LRRIQ3: variants seen among roughly 807,000 people sequenced by gnomAD.
The protein encoded by LRRIQ3 is leucine rich repeats and IQ motif containing 3, also known as leucine-rich repeat and IQ domain-containing protein 3.
LRRIQ3 carries 75 observed loss-of-function variants against 59.3 expected under a neutral mutation model. The ratio of observed to expected loss-of-function variants is 1.26; its 90% CI spans 1.05 to 1.53. The LOEUF (loss-of-function observed/expected upper bound fraction) is 1.53, where lower values mean the gene tolerates loss of function less well. Among genes scored for constraint, LRRIQ3 ranks in the 40% most tolerant of loss-of-function variants. LRRIQ3 has a pLI of 0.00. For missense variants in LRRIQ3, 831 were observed against 710.0 expected, an observed-to-expected ratio of 1.17 and a Z score of -1.94; for synonymous variants, 250 against 231.3, an observed-to-expected ratio of 1.08 and a Z score of -0.73.
intron 5 of LRRIQ3, among the ~76,000 whole-genome samples, chr1:74,107,853 A>T (rs1335800167): frequency 6.6e-6 from 1 of 151,602 alleles, no homozygotes; most frequent in Non-Finnish European, 1.5e-5. Flanking sequence ...TTTATCAACT[A>T]TGAAAGAATA....
chr1:74,149,608 A>T (rs1452083828), intron 4 of LRRIQ3, among the ~76,000 whole-genome samples: 2 of 151,876 alleles, frequency 1.3e-5, no homozygotes, highest in Non-Finnish European at 2.9e-5. Flanking sequence ...AAATATATTA[A>T]TTTTTTCATG....
chr1:74,186,894 C>T (rs1224835151), intron 1 of LRRIQ3, among the ~76,000 whole-genome samples: 1 of 151,948 alleles, frequency 6.6e-6, no homozygotes, highest in Admixed American at 6.6e-5. Context: ...AGTGTCTTTT[C>T]CTCCATTTTG....
intron 4 of LRRIQ3, among the ~76,000 whole-genome samples, chr1:74,131,734 T>C (rs1026837417): frequency 6.6e-6 from 1 of 152,068 alleles, no homozygotes; most frequent in Admixed American, 6.6e-5. Context: ...CTCAAAATAA[T>C]AAAGAGCTAT....
Position 74,198,137 on chromosome 1 carries a change from G to A in LRRIQ3, c.-142C>T. ...CAACATCCAAGTTCTCCACATCATG[G>A]TTTTCCGGGCGCCAGCCAAGGCGCT... On this transcript the variant is annotated 5_prime_UTR_variant, in exon 1 of 8. Coordinates refer to ENST00000354431, the MANE Select transcript of LRRIQ3 (RefSeq NM_001105659.2). 2 of 1,476,920 alleles carry A rather than the reference G, an allele frequency of 1.4e-6. No homozygotes were observed. Among genetic ancestry groups the A allele is most frequent in the Non-Finnish European group, 1.8e-6 (2 of 1,115,352 alleles). 91.5% of individuals were successfully genotyped at this position (1,476,920 alleles called of 1,614,324 possible). A position where few individuals can be genotyped will look rare whatever the true frequency, so the allele number is the denominator to read the frequency against.
intron 5 of LRRIQ3, among the ~76,000 whole-genome samples, chr1:74,087,381 C>CTTTTTT (rs57068994): frequency 1.0e-4 from 6 of 59,006 alleles, no homozygotes; most frequent in African/African-American, 2.9e-4. Context: ...AAAATTTTAT[C>CTTTTTT]TTTTTTTTTT....
intron 4 of LRRIQ3, among the ~76,000 whole-genome samples, chr1:74,121,608 G>C (rs951815195): frequency 1.3e-5 from 2 of 151,904 alleles, no homozygotes; most frequent in Non-Finnish European, 2.9e-5. Flanking sequence ...TATACTTTAA[G>C]TTTTAGGGTG....
chr1:74,177,436 T>C (rs1271319438), intron 3 of LRRIQ3, among the ~76,000 whole-genome samples: 1 of 152,112 alleles, frequency 6.6e-6, no homozygotes, highest in Non-Finnish European at 1.5e-5. Context: ...TCTTTATATA[T>C]ATATCTATCT....
At chr1:74,161,294 A>T (rs558746052) in intron 3 of LRRIQ3, among the ~76,000 whole-genome samples, 1 of 152,200 alleles carries the variant, frequency 6.6e-6, no homozygotes, top group South Asian at 2.1e-4. Flanking sequence ...ATTAGATTTT[A>T]GCATGTAAAT....
intron 6 of LRRIQ3, among the ~76,000 whole-genome samples, chr1:74,049,410 A>T (rs1381726929): frequency 6.6e-6 from 1 of 152,220 alleles, no homozygotes; most frequent in Non-Finnish European, 1.5e-5. Context: ...AGGCTACTCT[A>T]GTGGCCCAGG....
chr1:74,135,604 T>A (rs1647109551), intron 4 of LRRIQ3, among the ~76,000 whole-genome samples: 1 of 151,836 alleles, frequency 6.6e-6, no homozygotes, highest in Non-Finnish European at 1.5e-5. Flanking sequence ...ATTTTGGAAA[T>A]TCAAATATAT....
chr1:74,193,972 A>ATG (rs1650934124), intron 1 of LRRIQ3, among the ~76,000 whole-genome samples: 3 of 152,196 alleles, frequency 2.0e-5, no homozygotes, highest in Admixed American at 2.0e-4. Context: ...AATGTCTGCA[A>ATG]CATATTAAGT....
intron 5 of LRRIQ3, among the ~76,000 whole-genome samples, chr1:74,080,734 C>T (rs539778218): frequency 9.9e-5 from 15 of 151,728 alleles, no homozygotes; most frequent in African/African-American, 2.7e-4. Flanking sequence ...CAAAAAGAGT[C>T]GCCTTTATTT....
chr1:74,116,127 T>A (rs1007414788), intron 4 of LRRIQ3, among the ~76,000 whole-genome samples: 7 of 152,130 alleles, frequency 4.6e-5, no homozygotes, highest in Non-Finnish European at 1.0e-4. Context: ...AACAGAAGAA[T>A]TCTCCAATAT....
chr1:74,169,967 T>C (rs761507381), intron 3 of LRRIQ3, among the ~76,000 whole-genome samples: 5 of 152,228 alleles, frequency 3.3e-5, no homozygotes, highest in African/African-American at 4.8e-5. Flanking sequence ...TTATGTATTC[T>C]TTGGAGAAAT....
intron 4 of LRRIQ3, among the ~76,000 whole-genome samples, chr1:74,139,079 T>C (rs1424546356): frequency 6.7e-6 from 1 of 149,850 alleles, no homozygotes; most frequent in Non-Finnish European, 1.5e-5. Flanking sequence ...TATACACATA[T>C]ATGTATGTGT....
chr1:74,053,892 A>G (rs566871609), intron 6 of LRRIQ3, among the ~76,000 whole-genome samples: 4 of 152,184 alleles, frequency 2.6e-5, no homozygotes, highest in Non-Finnish European at 5.9e-5. Context: ...TTATGGAACA[A>G]CAGGACCTCT....
chr1:74,148,616 A>G (rs1647725273), intron 4 of LRRIQ3, among the ~76,000 whole-genome samples: 1 of 152,158 alleles, frequency 6.6e-6, no homozygotes, highest in Non-Finnish European at 1.5e-5. Context: ...TCCTTGAGGA[A>G]CCTTCACTTG....
intron 3 of LRRIQ3, among the ~76,000 whole-genome samples, chr1:74,175,164 G>A (rs1163792880): frequency 6.6e-6 from 1 of 152,154 alleles, no homozygotes; most frequent in Admixed American, 6.5e-5. Flanking sequence ...AGTCAGATGA[G>A]GCCGATGGGG....
chr1:74,107,698 T>C (rs557706997), intron 5 of LRRIQ3, among the ~76,000 whole-genome samples: 13 of 150,974 alleles, frequency 8.6e-5, no homozygotes, highest in African/African-American at 3.1e-4. Context: ...AGGACAATTT[T>C]ATATAAAGAA....
Sources: allele counts gnomAD v4.1 joint callset (sites outside exome capture counted in the v4.1 genomes callset), GRCh38; gene constraint gnomAD v4.1.1; transcripts MANE v1.5; gene names NCBI Gene and HGNC (gene_info 2026-07-23, HGNC 2026-07-21).